GXYLT1: variants seen among roughly 807,000 people sequenced by gnomAD.
GXYLT1 encodes glucoside xylosyltransferase 1.
Under a neutral mutation model 54.0 loss-of-function variants are expected in GXYLT1, and 29 were observed. That is an observed-to-expected ratio of 0.54 (90% confidence interval 0.40 to 0.73). The LOEUF (loss-of-function observed/expected upper bound fraction) is 0.73. Ranked by LOEUF, GXYLT1 falls within the 30% of genes least tolerant of loss-of-function variation. The pLI is 0.00. For missense variants in GXYLT1, 490 were observed against 553.4 expected (o/e 0.89, Z 1.15); for synonymous variants, 176 against 204.1 (o/e 0.86, Z 1.17).
intron 2 of GXYLT1, among the ~76,000 whole-genome samples, chr12:42,121,389 T>A (rs1025542457): frequency 3.3e-5 from 5 of 152,142 alleles, no homozygotes; most frequent in African/African-American, 1.2e-4. Context: ...TCCAGTACTT[T>A]GGGAGGCCAA....
chr12:42,132,708 C>A (rs369939512), intron 1 of GXYLT1, among the ~76,000 whole-genome samples: 48 of 152,228 alleles, frequency 3.2e-4, no homozygotes, highest in African/African-American at 1.1e-3. Context: ...GAAATATCCA[C>A]CAGGGAGCTT....
rs2065583282 is a variant in GXYLT1, at chr12:42,129,665, A to AT, written c.314+93dup. On this transcript the variant is annotated intron_variant, in intron 2 of 7. Coordinates refer to ENST00000398675, the MANE Select transcript of GXYLT1 (RefSeq NM_173601.2). Reference sequence around the variant, plus strand: ...GAAAATAAATTATTTGTATAATATCATAAGAAACATTCTTACATCCTATTA... The same window carrying AT: ...GAAAATAAATTATTTGTATAATATCATTAAGAAACATTCTTACATCCTATTA... 22 of 753,832 alleles carry AT rather than the reference A, an allele frequency of 2.9e-5. No homozygotes were observed. The South Asian group carries it at 3.8e-4, about 13-fold the overall frequency. The allele number at this position is 753,832 out of a possible 1,614,324, so 46.7% of individuals were successfully genotyped here.
chr12:42,095,552 T>G (rs1313912686), intron 7 of GXYLT1, among the ~76,000 whole-genome samples: 1 of 152,062 alleles, frequency 6.6e-6, no homozygotes, highest in Non-Finnish European at 1.5e-5. Context: ...AGAACATACA[T>G]ACATCTGCTC....
intron 1 of GXYLT1, among the ~76,000 whole-genome samples, chr12:42,132,550 C>A (rs2065598801): frequency 6.6e-6 from 1 of 152,142 alleles, no homozygotes; most frequent in South Asian, 2.1e-4. Flanking sequence ...CCCCATATTT[C>A]AAAAATATCT....
At chr12:42,117,225 A>G (rs930087468) in intron 3 of GXYLT1, among the ~76,000 whole-genome samples, 1 of 152,062 alleles carries the variant, frequency 6.6e-6, no homozygotes, top group Non-Finnish European at 1.5e-5. Flanking sequence ...ACATGTATAC[A>G]TATGTAACAA....
At chr12:42,102,643 A>G (rs1447615616) in intron 5 of GXYLT1, among the ~76,000 whole-genome samples, 1 of 152,164 alleles carries the variant, frequency 6.6e-6, no homozygotes, top group Non-Finnish European at 1.5e-5. Context: ...AGGGCAGAGT[A>G]AACAAAGAAA....
chr12:42,106,094 T>C, intron 4 of GXYLT1, 25 bp from the exon 5 acceptor site: 1 of 1,467,908 alleles, frequency 6.8e-7, no homozygotes, highest in Non-Finnish European at 9.3e-7. Flanking sequence ...ATTTGAATGA[T>C]TAACTATAAT....
intron 7 of GXYLT1, among the ~76,000 whole-genome samples, chr12:42,088,471 A>G (rs2065310269): frequency 6.6e-6 from 1 of 152,186 alleles, no homozygotes; most frequent in Non-Finnish European, 1.5e-5. Context: ...GAAAACTGCT[A>G]AATATTAGGC....
intron 3 of GXYLT1, among the ~76,000 whole-genome samples, chr12:42,110,885 T>G (rs2065449521): frequency 6.6e-6 from 1 of 152,222 alleles, no homozygotes; most frequent in Non-Finnish European, 1.5e-5. Flanking sequence ...TATTTGATAT[T>G]CTTTCATCAA....
chr12:42,131,995 CCT>C (rs920372429), intron 1 of GXYLT1, among the ~76,000 whole-genome samples: 31 of 152,164 alleles, frequency 2.0e-4, no homozygotes, highest in Non-Finnish European at 1.5e-5. Flanking sequence ...TTCCATATCC[CCT>C]GTCAAACTCT....
intron 1 of GXYLT1, among the ~76,000 whole-genome samples, chr12:42,136,685 C>T (rs2065621072): frequency 6.6e-6 from 1 of 152,062 alleles, no homozygotes; most frequent in Admixed American, 6.6e-5. Context: ...TGTGATAAAA[C>T]AACACTCGGC....
intron 2 of GXYLT1, among the ~76,000 whole-genome samples, chr12:42,119,570 G>A (rs1227956268): frequency 6.6e-6 from 1 of 152,056 alleles, no homozygotes; most frequent in African/African-American, 2.4e-5. Flanking sequence ...AGCTTTGAGA[G>A]ACCAAGGCAG....
At chr12:42,117,240 G>A (rs1412692021) in intron 3 of GXYLT1, among the ~76,000 whole-genome samples, 5 of 151,424 alleles carry the variant, frequency 3.3e-5, no homozygotes, top group Non-Finnish European at 7.4e-5. Context: ...TAACAAACCT[G>A]CACATCATGC....
At chr12:42,113,765 TG>T (rs1211093491) in intron 3 of GXYLT1, among the ~76,000 whole-genome samples, 1 of 150,972 alleles carries the variant, frequency 6.6e-6, no homozygotes, top group Non-Finnish European at 1.5e-5. Flanking sequence ...AACTCAGCTC[TG>T]CACCAAGCGG....
chr12:42,130,642 T>C (rs1555142722), intron 1 of GXYLT1, among the ~76,000 whole-genome samples: 3 of 152,150 alleles, frequency 2.0e-5, no homozygotes, highest in Non-Finnish European at 4.4e-5. Flanking sequence ...TATACATACA[T>C]ATACACACAT....
chr12:42,098,532 C>T (rs2065370501), intron 5 of GXYLT1, among the ~76,000 whole-genome samples: 1 of 151,424 alleles, frequency 6.6e-6, no homozygotes, highest in African/African-American at 2.4e-5. Context: ...TTAAAAAATG[C>T]ATACACAACT....
chr12:42,131,845 G>A (rs769260300), intron 1 of GXYLT1, among the ~76,000 whole-genome samples: 2 of 152,132 alleles, frequency 1.3e-5, no homozygotes, highest in Non-Finnish European at 2.9e-5. Flanking sequence ...AGACTCACTA[G>A]AAACGTTTTA....
At chr12:42,137,503 CAAAA>C (rs34628599) in intron 1 of GXYLT1, among the ~76,000 whole-genome samples, 17 of 71,654 alleles carry the variant, frequency 2.4e-4, no homozygotes, top group Admixed American at 4.0e-4. Context: ...GCATCTGTTT[CAAAA>C]AAAAAAAAAA....
At chr12:42,088,744 A>T (rs1305118538) in intron 7 of GXYLT1, among the ~76,000 whole-genome samples, 1 of 151,976 alleles carries the variant, frequency 6.6e-6, no homozygotes, top group Admixed American at 6.6e-5. Flanking sequence ...TCAATTAGAA[A>T]GATGGATGGG....
Sources: allele counts gnomAD v4.1 joint callset (sites outside exome capture counted in the v4.1 genomes callset), GRCh38; gene constraint gnomAD v4.1.1; transcripts MANE v1.5; gene names NCBI Gene and HGNC (gene_info 2026-07-23, HGNC 2026-07-21).